USP9X: variants seen among roughly 807,000 people sequenced by gnomAD.
USP9X encodes ubiquitin carboxyl-terminal hydrolase 9X.
USP9X carries 7 observed loss-of-function variants against 190.3 expected under a neutral mutation model. The observed-to-expected ratio is 0.04, with a 90% CI of 0.02 to 0.07. The LOEUF (loss-of-function observed/expected upper bound fraction) is 0.07. USP9X is among the 10% of genes least tolerant of loss of function. The probability of loss-of-function intolerance (pLI) is 1.00; values close to 1 mark genes in which losing one functional copy is unlikely to be tolerated. For missense variants in USP9X, 1,010 were observed against 1,916.9 expected, an observed-to-expected ratio of 0.53 and a Z score of 8.83; for synonymous variants, 645 against 659.5, an observed-to-expected ratio of 0.98 and a Z score of 0.34.
At chrX:41,125,684 A>ACACACACTCTCTCT in intron 2 of USP9X, among the ~76,000 whole-genome samples, 67 of 19,011 alleles carry the variant, frequency 3.5e-3, no homozygotes, top group Admixed American at 6.1e-3. Flanking sequence ...ACACACACAC[A>ACACACACTCTCTCT]CTCTCTCTCT....
At chrX:41,148,643 G>A in intron 12 of USP9X, 68 bp downstream of exon 12, 2 of 1,003,814 alleles carry the variant, frequency 2.0e-6, no homozygotes, top group Non-Finnish European at 2.8e-6. Flanking sequence ...TTAGTTACAG[G>A]ATAGTTCTGT....
At position 41,188,065 on chromosome X, in the gene USP9X, C is replaced by T. The variant is rs1266896716; in HGVS notation, c.3758C>T (p.Ser1253Leu). Residue 1253 changes from serine to leucine, a missense_variant, in exon 25 of 45, where the codon TCG becomes TTG. Physicochemically the swap from Ser to Leu is moderately radical, Grantham distance 145. This residue lies in a region of USP9X where 351 missense variants were observed against 480.8 expected (regional missense o/e 0.73). Coordinates refer to ENST00000378308, the MANE Select transcript of USP9X (RefSeq NM_001039591.3). ...QKIIWASGCGSLQLVFSPNEE... is the reference protein window; with the variant it reads ...QKIIWASGCGLLQLVFSPNEE... ...ATTATCTGGGCATCAGGATGTGGGT[C>T]GTTACAGCTAGTATTTAGCCCAAAT... The T allele has an allele frequency of 5.0e-6, 6 of 1,208,578 alleles. No individual in the cohort carries two copies. The highest frequency in any genetic ancestry group is 6.7e-6 in the Non-Finnish European group (6 of 893,490).
Position 41,235,439 on chromosome X carries a change from A to C in USP9X, c.*2915A>C, listed in dbSNP as rs2063392875. Reference sequence around the variant, plus strand: ...TTTTGAGCCATATATTTCCTATTTTAAATGTTTGCGGAATCGCCAGTCTTC... The same window carrying C: ...TTTTGAGCCATATATTTCCTATTTTCAATGTTTGCGGAATCGCCAGTCTTC... On this transcript the variant is annotated 3_prime_UTR_variant, in exon 45 of 45. Coordinates refer to ENST00000378308, the MANE Select transcript of USP9X (RefSeq NM_001039591.3). 1 of 112,639 alleles carries C rather than the reference A, an allele frequency of 8.9e-6. No homozygotes were observed. Among genetic ancestry groups the C allele is most frequent in the Non-Finnish European group, 1.9e-5 (1 of 53,239 alleles). 9.3% of individuals were successfully genotyped at this position (112,639 alleles called of 1,213,427 possible).
intron 1 of USP9X, among the ~76,000 whole-genome samples, chrX:41,087,047 A>C (rs954466731): frequency 5.3e-5 from 6 of 112,859 alleles, no homozygotes; most frequent in Non-Finnish European, 9.4e-5. Flanking sequence ...ACCTGCTTAA[A>C]TTAAGCATGT....
At chrX:41,147,451 T>G (rs1249494284) in intron 11 of USP9X, among the ~76,000 whole-genome samples, 1 of 38,542 alleles carries the variant, frequency 2.6e-5, no homozygotes, top group Non-Finnish European at 4.0e-5. Flanking sequence ...TTAATCGTTG[T>G]TTTTTTTTTT....
In USP9X at chrX:41,172,032, T is replaced by C. The variant is rs546973553; in HGVS notation, c.3148+74T>C. ...TATATTAGCAAATTCTGTTTCTAAATGGACCGTGCTTTTTGGTATAGACTA... is the reference window on the plus strand; with the variant it reads ...TATATTAGCAAATTCTGTTTCTAAACGGACCGTGCTTTTTGGTATAGACTA... On this transcript the variant is annotated intron_variant, in intron 21 of 44. Transcript: ENST00000378308. 4 of 1,140,806 alleles carry C rather than the reference T, an allele frequency of 3.5e-6. No individual in the cohort carries two copies. In the East Asian group the frequency reaches 9.1e-5, roughly 26 times the overall value. The allele number at this position is 1,140,806 out of a possible 1,213,427, so 94.0% of individuals were successfully genotyped here. A position where few individuals can be genotyped will look rare whatever the true frequency, so the allele number is the denominator to read the frequency against.
rs780209302 is a variant in USP9X, at chrX:41,105,140, A to G, written c.-158-18331A>G. ...GTGACTGACTTAGAGAGACAAAGCT[A>G]AGATGCATAAATATCAGGTGGAACT... On this transcript the variant is annotated intron_variant, in intron 1 of 44. Transcript: ENST00000378308. 4.5e-5 allele frequency among the ~76,000 whole-genome samples: 5 copies of G among 111,471 alleles called. 1 individual carries two copies. Among genetic ancestry groups the G allele is most frequent in the African/African-American group, 6.5e-5 (2 of 30,603 alleles).
chrX:41,149,231 G>A (rs899396734), intron 12 of USP9X, among the ~76,000 whole-genome samples: 2 of 111,797 alleles, frequency 1.8e-5, no homozygotes, highest in African/African-American at 6.5e-5. Flanking sequence ...ATAGTAATAA[G>A]GGCCTTGAGT....
At chrX:41,094,184 CT>C (rs56901756) in intron 1 of USP9X, among the ~76,000 whole-genome samples, 51 of 100,098 alleles carry the variant, frequency 5.1e-4, no homozygotes, top group East Asian at 1.3e-3. Context: ...TTTCTTTTTT[CT>C]TTTTTTTTGA....
chrX:41,185,417 A>G (rs1435974097), intron 23 of USP9X, among the ~76,000 whole-genome samples: 3 of 111,689 alleles, frequency 2.7e-5, no homozygotes, highest in Non-Finnish European at 5.6e-5. Context: ...GTGAAATTAC[A>G]TGATATCTAG....
chrX:41,138,045 C>T (rs914163837), intron 6 of USP9X, among the ~76,000 whole-genome samples: 2 of 110,466 alleles, frequency 1.8e-5, no homozygotes, highest in African/African-American at 3.3e-5. Flanking sequence ...TAAAGTGTAG[C>T]GATTGTGAGA....
chrX:41,165,884 G>A lies in USP9X; in HGVS notation c.1998G>A (p.Lys666=). 10 of 1,202,305 alleles carry A rather than the reference G, an allele frequency of 8.3e-6. No homozygotes were observed. The highest frequency in any genetic ancestry group is 1.1e-5 in the Non-Finnish European group (10 of 891,639). The change falls in exon 16 of 45, where the codon AAG becomes AAA. Residue 666 remains lysine, a synonymous_variant. Transcript: ENST00000378308. ...ATGTTTTTTCAAGATTTTTATTGAA[G>A]GATGGTCAGCTGTGGCTATGTGCTC... ...ERLNFLRFLL[K]DGQLWLCAPQ...
At position 41,166,137 on chromosome X, in the gene USP9X, G is replaced by A; in HGVS notation, c.2251G>A (p.Glu751Lys). Reference protein sequence around the residue: ...ERFFKAVNCREGKLVAKRRAY... With the variant: ...ERFFKAVNCRKGKLVAKRRAY... ...ATTCTTCAAAGCTGTGAATTGTCGA[G>A]AAGGAAAACTAGTAGCAAAAAGGAG... Residue 751 changes from glutamate to lysine, a missense_variant, in exon 16 of 45, where the codon GAA becomes AAA. Transcript: ENST00000378308. 1 of 1,211,234 alleles carries A rather than the reference G, an allele frequency of 8.3e-7. No homozygotes were observed. The highest frequency in any genetic ancestry group is 1.1e-6 in the Non-Finnish European group (1 of 895,212).
At chrX:41,217,096 T>TA in intron 35 of USP9X, 124 bp from the exon 36 acceptor site, 10 of 762,909 alleles carry the variant, frequency 1.3e-5, no homozygotes, top group Non-Finnish European at 1.8e-5. Context: ...GGGTCTAAAT[T>TA]AAAGTAGCCT....
At chrX:41,162,458 TCTTC>T (rs767939109) in intron 14 of USP9X, among the ~76,000 whole-genome samples, 1 of 112,413 alleles carries the variant, frequency 8.9e-6, no homozygotes, top group Non-Finnish European at 1.9e-5. Context: ...AAAAATTTTG[TCTTC>T]CTTATCAGTT....
chrX:41,186,987 C>T (rs1445359671), intron 24 of USP9X, among the ~76,000 whole-genome samples: 1 of 108,777 alleles, frequency 9.2e-6, no homozygotes, highest in Non-Finnish European at 1.9e-5. Context: ...ACCCACCCCC[C>T]CATGCCCGGC....
intron 1 of USP9X, among the ~76,000 whole-genome samples, chrX:41,110,239 T>TA (rs1176037814): frequency 8.9e-6 from 1 of 112,323 alleles, no homozygotes; most frequent in Non-Finnish European, 1.9e-5. Context: ...AGCTAATTTT[T>TA]ATAACATGAT....
intron 1 of USP9X, among the ~76,000 whole-genome samples, chrX:41,092,983 G>A (rs928196740): frequency 9.0e-6 from 1 of 110,594 alleles, no homozygotes; most frequent in African/African-American, 3.3e-5. Context: ...AGGCATCCTC[G>A]CACCTCAGCC....
In USP9X at chrX:41,205,467, G is replaced by T. The variant is rs753307099; in HGVS notation, c.4989G>T (p.Val1663=). 4 of 1,207,866 alleles carry T rather than the reference G, an allele frequency of 3.3e-6. No homozygotes were observed. In the South Asian group the frequency reaches 7.1e-5, roughly 22 times the overall value. The change falls in exon 32 of 45, where the codon GTG becomes GTT. Residue 1663 remains valine, a synonymous_variant. Transcript: ENST00000378308. ...HLAASRLQYY[V]PRGFWKQFRL... is the part of the protein sequence containing the mutation. ...CTGCTTCTCGACTGCAATACTATGT[G>T]CCCAGAGGATTTTGGAAACAGTTCA...
Sources: allele counts gnomAD v4.1 joint callset (sites outside exome capture counted in the v4.1 genomes callset), GRCh38; gene constraint gnomAD v4.1.1; regional missense constraint gnomAD v4.1.1; transcripts MANE v1.5; gene names NCBI Gene and HGNC (gene_info 2026-07-23, HGNC 2026-07-21).